The following MED12L variants were observed in gnomAD, a reference collection of about 807,000 sequenced individuals.
The protein encoded by MED12L is mediator of RNA polymerase II transcription subunit 12-like protein.
Under a neutral mutation model 281.3 loss-of-function variants are expected in MED12L, and 60 were observed. That is an observed-to-expected ratio of 0.21 (90% CI 0.17 to 0.26). The LOEUF (loss-of-function observed/expected upper bound fraction) is 0.26, where lower values mean the gene tolerates loss of function less well. Ranked by LOEUF, MED12L falls within the 10% of genes least tolerant of loss-of-function variation. MED12L has a pLI of 1.00. For synonymous variants in MED12L, 974 were observed against 987.2 expected (o/e 0.99, Z 0.25); for missense variants, 2,146 against 2,680.9 (o/e 0.80, Z 4.41).
intron 5 of MED12L, among the ~76,000 whole-genome samples, chr3:151,143,784 C>T (rs375985265): frequency 2.6e-5 from 4 of 152,196 alleles, no homozygotes; most frequent in African/African-American, 4.8e-5. Flanking sequence ...ACAAGTCTTA[C>T]ATCTTCCTAC....
chr3:151,166,340 A>T (rs1025174407), intron 11 of MED12L, among the ~76,000 whole-genome samples: 1 of 152,178 alleles, frequency 6.6e-6, no homozygotes, highest in Admixed American at 6.5e-5. Context: ...AGCACAGCAG[A>T]GGGCAGTGCA....
intron 11 of MED12L, among the ~76,000 whole-genome samples, chr3:151,173,569 A>T (rs1468977429): frequency 6.6e-6 from 1 of 152,350 alleles, no homozygotes; most frequent in South Asian, 2.1e-4. Context: ...TTGCTTGACA[A>T]TTTTAACATA....
chr3:151,147,234 A>G (rs1261090468), intron 5 of MED12L, among the ~76,000 whole-genome samples: 2 of 152,078 alleles, frequency 1.3e-5, no homozygotes, highest in East Asian at 1.9e-4. Context: ...ATCATTTCCT[A>G]GTGTTTTACT....
At chr3:151,386,480 C>T (rs546525058) in intron 36 of MED12L, among the ~76,000 whole-genome samples, 24 of 152,116 alleles carry the variant, frequency 1.6e-4, no homozygotes, top group African/African-American at 3.6e-4. Context: ...ACCTCTGTCT[C>T]TCGGGTTCAA....
At chr3:151,241,574 G>C (rs1042687899) in intron 16 of MED12L, among the ~76,000 whole-genome samples, 1 of 152,022 alleles carries the variant, frequency 6.6e-6, no homozygotes, top group Non-Finnish European at 1.5e-5. Flanking sequence ...ATGTTAACTG[G>C]AATACATATG....
intron 16 of MED12L, among the ~76,000 whole-genome samples, chr3:151,330,395 A>G (rs146068303): frequency 1.3e-5 from 2 of 152,316 alleles, no homozygotes; most frequent in Non-Finnish European, 2.9e-5. Flanking sequence ...AATTTCATCA[A>G]TCAACATTGG....
chr3:151,207,501 G>T (rs1038002340), intron 16 of MED12L, among the ~76,000 whole-genome samples: 5 of 150,192 alleles, frequency 3.3e-5, no homozygotes, highest in Non-Finnish European at 7.4e-5. Context: ...AGAAATTTTG[G>T]GGGGGACTGT....
At chr3:151,136,429 T>C (rs1323207774) in intron 5 of MED12L, among the ~76,000 whole-genome samples, 2 of 152,250 alleles carry the variant, frequency 1.3e-5, no homozygotes, top group Non-Finnish European at 2.9e-5. Flanking sequence ...TCTGCCTTGT[T>C]TATGCTGAAA....
chr3:151,160,034 C>T lies in MED12L; in HGVS notation c.1040C>T (p.Ala347Val), dbSNP rs1240230719. The change falls in exon 8 of 45, where the codon GCC becomes GTC. Residue 347 changes from alanine (A) to valine (V), a missense_variant. Ala to Val is a moderately conservative substitution (Grantham distance 64). This residue lies in a region of MED12L where 722 missense variants were observed against 861.2 expected (regional missense o/e 0.84). Coordinates refer to ENST00000687756, the MANE Select transcript of MED12L (RefSeq NM_001393769.1). ...PGPGMSPVQL[A>V]FSDFLSCAQH... ...CCTGGCATGAGCCCCGTGCAGCTGG[C>T]CTTCTCAGATTTTCTTTCCTGTGCA... The T allele has an allele frequency of 6.2e-7, 1 of 1,614,188 alleles. No individual in the cohort carries two copies. Among genetic ancestry groups the T allele is most frequent in the Middle Eastern group, 1.6e-4 (1 of 6,062 alleles).
At chr3:151,340,782 G>C (rs1751708448) in intron 16 of MED12L, 1 of 152,560 alleles carries the variant, frequency 6.6e-6, no homozygotes, top group African/African-American at 2.4e-5. Context: ...TAGAAGGAGA[G>C]AAAAAGAGGG....
At chr3:151,374,233 T>G (rs575171480) in intron 27 of MED12L, among the ~76,000 whole-genome samples, 7 of 152,244 alleles carry the variant, frequency 4.6e-5, no homozygotes, top group African/African-American at 1.7e-4. Flanking sequence ...AAAAAATGAT[T>G]AATTAAAATA....
intron 3 of MED12L, among the ~76,000 whole-genome samples, chr3:151,117,314 T>C (rs1234425066): frequency 6.6e-6 from 1 of 151,492 alleles, no homozygotes; most frequent in Admixed American, 6.6e-5. Flanking sequence ...CTTTGAGCAC[T>C]TCTTTACTTT....
intron 16 of MED12L, among the ~76,000 whole-genome samples, chr3:151,299,390 C>CTT (rs1295467622): frequency 1.4e-5 from 2 of 139,054 alleles, no homozygotes; most frequent in Non-Finnish European, 3.1e-5. Context: ...CTTTTCTTTT[C>CTT]TTTTCTTTTC....
At chr3:151,263,771 C>CA (rs1317151397) in intron 16 of MED12L, among the ~76,000 whole-genome samples, 2 of 150,582 alleles carry the variant, frequency 1.3e-5, no homozygotes, top group Non-Finnish European at 3.0e-5. Context: ...CCACCCCCCC[C>CA]ACTTATCAGC....
chr3:151,414,345 C>T (rs1412513722), intron 42 of MED12L, among the ~76,000 whole-genome samples: 1 of 152,098 alleles, frequency 6.6e-6, no homozygotes, highest in Non-Finnish European at 1.5e-5. Flanking sequence ...TATATACTAC[C>T]AAGAACAGAA....
rs1723143105 is a variant in MED12L at position 151,185,444 on chromosome 3, G to A, written c.1609G>A (p.Ala537Thr). Residue 537 changes from alanine to threonine, a missense_variant, in exon 12 of 45, where the codon GCA (alanine) becomes ACA (threonine). By Grantham distance (58) the Ala-to-Thr change is moderately conservative. This residue lies in a region of MED12L where 722 missense variants were observed against 861.2 expected (regional missense o/e 0.84). Coordinates refer to ENST00000687756, the MANE Select transcript of MED12L (RefSeq NM_001393769.1). ...GGCAAAACTCCTGGAGAAGAGGCAA[G>A]CAGAAATTGAGGCAGAGGTAGGTTC... is the stretch of plus-strand genomic sequence containing the variant. Reference protein sequence around the residue: ...AVAKLLEKRQAEIEAERCGES... With the variant: ...AVAKLLEKRQTEIEAERCGES... 6.2e-7 allele frequency: 1 copy of A among 1,613,954 alleles called. No homozygotes were observed. The highest frequency in any genetic ancestry group is 8.5e-7 in the Non-Finnish European group (1 of 1,179,960).
At chr3:151,377,472 T>C (rs769389781) in intron 30 of MED12L, among the ~76,000 whole-genome samples, 3 of 152,196 alleles carry the variant, frequency 2.0e-5, no homozygotes, top group Non-Finnish European at 4.4e-5. Flanking sequence ...TGGGAAACGC[T>C]TTTTCCACCA....
chr3:151,184,104 C>G (rs1387244809), intron 11 of MED12L, among the ~76,000 whole-genome samples: 1 of 152,156 alleles, frequency 6.6e-6, no homozygotes, highest in Non-Finnish European at 1.5e-5. Context: ...AAACAGAGCT[C>G]CCTTTGAGGT....
intron 39 of MED12L, among the ~76,000 whole-genome samples, chr3:151,400,087 A>G (rs575292402): frequency 3.7e-4 from 56 of 152,104 alleles, no homozygotes; most frequent in African/African-American, 1.3e-3. Context: ...TCGACCTCCT[A>G]TAGTGCTGGG....
Sources: gnomAD v4.1 joint callset for allele counts (sites outside exome capture counted in the v4.1 genomes callset) on GRCh38, gnomAD v4.1.1 for gene constraint, gnomAD v4.1.1 regional missense constraint, MANE v1.5 for transcripts, NCBI Gene and HGNC (gene_info 2026-07-23, HGNC 2026-07-21) for gene names.